LRRC7: variants seen among roughly 807,000 people sequenced by gnomAD.
LRRC7 encodes the protein leucine-rich repeat-containing protein 7.
In LRRC7, 23 loss-of-function variants were observed where a neutral mutation model predicts 175.7. That is an observed-to-expected ratio of 0.13 (90% confidence interval 0.09 to 0.19). LRRC7 has a LOEUF of 0.19. LRRC7 is among the 10% of genes least tolerant of loss of function. LRRC7 has a pLI of 1.00. For missense variants in LRRC7, 1,354 were observed against 1,904.7 expected (o/e 0.71, Z 5.38); for synonymous variants, 685 against 680.9 (o/e 1.01, Z -0.09).
chr1:69,981,175 G>A (rs1460932944), intron 9 of LRRC7, among the ~76,000 whole-genome samples: 1 of 152,124 alleles, frequency 6.6e-6, no homozygotes, highest in Non-Finnish European at 1.5e-5. Context: ...TCTCCCTATT[G>A]TTTTGTATAA....
chr1:70,030,335 C>T (rs1414679221), intron 18 of LRRC7, among the ~76,000 whole-genome samples: 2 of 152,118 alleles, frequency 1.3e-5, no homozygotes, highest in Non-Finnish European at 2.9e-5. Flanking sequence ...TAGCTTTCTT[C>T]TACTAGTCTT....
chr1:69,798,230 T>C (rs1676037369), intron 4 of LRRC7, among the ~76,000 whole-genome samples: 1 of 152,194 alleles, frequency 6.6e-6, no homozygotes, highest in African/African-American at 2.4e-5. Context: ...GATTTGCATT[T>C]TTTAACTTTA....
chr1:69,644,278 A>G (rs897621080), intron 1 of LRRC7, among the ~76,000 whole-genome samples: 1 of 151,920 alleles, frequency 6.6e-6, no homozygotes, highest in African/African-American at 2.4e-5. Flanking sequence ...ATGGTGGCAT[A>G]TTTTTGTATT....
chr1:69,914,875 C>T (rs1168949063), intron 7 of LRRC7, among the ~76,000 whole-genome samples: 1 of 152,062 alleles, frequency 6.6e-6, no homozygotes, highest in African/African-American at 2.4e-5. Context: ...GAGCCTGAAA[C>T]ATTTGCAATG....
chr1:69,732,007 A>G (rs1251124518), intron 2 of LRRC7, among the ~76,000 whole-genome samples: 1 of 152,154 alleles, frequency 6.6e-6, no homozygotes, highest in Non-Finnish European at 1.5e-5. Flanking sequence ...AATACTAGAC[A>G]AAGTGTTTTG....
intron 4 of LRRC7, among the ~76,000 whole-genome samples, chr1:69,813,229 A>AC (rs964409044): frequency 6.6e-6 from 1 of 152,038 alleles, no homozygotes; most frequent in African/African-American, 2.4e-5. Context: ...CCCCCTTGAC[A>AC]CCCTTTCTTC....
At chr1:69,844,543 C>T (rs1200884726) in intron 7 of LRRC7, among the ~76,000 whole-genome samples, 9 of 152,190 alleles carry the variant, frequency 5.9e-5, no homozygotes, top group Middle Eastern at 3.4e-3. Flanking sequence ...AATAATATTC[C>T]GCTATATACA....
intron 23 of LRRC7, among the ~76,000 whole-genome samples, chr1:70,056,263 A>G (rs1661143881): frequency 6.6e-6 from 1 of 152,180 alleles, no homozygotes; most frequent in Admixed American, 6.6e-5. Context: ...ACTCCATGGA[A>G]CACCAACATT....
At chr1:69,927,576 A>C (rs940089789) in intron 7 of LRRC7, among the ~76,000 whole-genome samples, 1 of 152,076 alleles carries the variant, frequency 6.6e-6, no homozygotes, top group Non-Finnish European at 1.5e-5. Flanking sequence ...CATCACTGAT[A>C]CCCTTTCTTC....
chr1:69,895,141 T>C (rs1570546802), intron 7 of LRRC7, among the ~76,000 whole-genome samples: 1 of 151,882 alleles, frequency 6.6e-6, no homozygotes, highest in South Asian at 2.1e-4. Context: ...CTGAGGCAGG[T>C]GAATCGCTTG....
At chr1:69,917,893 G>T (rs1436092038) in intron 7 of LRRC7, among the ~76,000 whole-genome samples, 4 of 152,060 alleles carry the variant, frequency 2.6e-5, no homozygotes, top group Non-Finnish European at 2.9e-5. Flanking sequence ...AAAAAAATCT[G>T]TTGATTATAT....
intron 4 of LRRC7, among the ~76,000 whole-genome samples, chr1:69,820,470 C>G (rs1679149908): frequency 6.6e-6 from 1 of 152,120 alleles, no homozygotes; most frequent in Admixed American, 6.6e-5. Context: ...CTGCACCCAT[C>G]AACCTGTCAT....
chr1:69,603,361 C>T (rs1035342081), intron 1 of LRRC7, among the ~76,000 whole-genome samples: 1 of 152,154 alleles, frequency 6.6e-6, no homozygotes, highest in Non-Finnish European at 1.5e-5. Flanking sequence ...ATCCTGGTGA[C>T]ATTTGGTAAT....
chr1:69,824,160 T>C (rs1174791537), intron 4 of LRRC7, among the ~76,000 whole-genome samples: 1 of 152,132 alleles, frequency 6.6e-6, no homozygotes, highest in Non-Finnish European at 1.5e-5. Context: ...CATATACCAT[T>C]TTAAGACAGG....
At chr1:69,956,333 AC>A (rs1444463974) in intron 8 of LRRC7, among the ~76,000 whole-genome samples, 3 of 151,792 alleles carry the variant, frequency 2.0e-5, no homozygotes, top group African/African-American at 7.3e-5. Flanking sequence ...TCTTCTCCAC[AC>A]CCACACTCAT....
chr1:69,933,400 A>G (rs1056823255), intron 8 of LRRC7, among the ~76,000 whole-genome samples: 1 of 152,244 alleles, frequency 6.6e-6, no homozygotes. Flanking sequence ...GGGGTGGTAA[A>G]TAACAGATAG....
intron 1 of LRRC7, among the ~76,000 whole-genome samples, chr1:69,676,783 A>C (rs955403103): frequency 6.6e-6 from 1 of 151,994 alleles, no homozygotes; most frequent in Non-Finnish European, 1.5e-5. Context: ...TTTTTAAAAA[A>C]TTTTCTTATT....
chr1:70,013,140 A>T, intron 13 of LRRC7, 51 bp downstream of exon 13: 3 of 1,164,050 alleles, frequency 2.6e-6, no homozygotes, highest in Non-Finnish European at 3.7e-6. Flanking sequence ...CTGAAAGCAA[A>T]TTATAGTTTT....
At chr1:69,931,373 CTTG>C in intron 7 of LRRC7, 131 bp from the exon 8 acceptor site, 1 of 644,192 alleles carries the variant, frequency 1.6e-6, no homozygotes, top group Non-Finnish European at 2.8e-6. Context: ...TTGAGATTTA[CTTG>C]TTGCTGAAGA....
Sources: gnomAD v4.1 joint callset for allele counts (sites outside exome capture counted in the v4.1 genomes callset) on GRCh38, gnomAD v4.1.1 for gene constraint, MANE v1.5 for transcripts, NCBI Gene and HGNC (gene_info 2026-07-23, HGNC 2026-07-21) for gene names.